DACH2: variants seen among roughly 807,000 people sequenced by gnomAD.
DACH2 encodes dachshund family transcription factor 2.
DACH2 carries 17 observed loss-of-function variants against 35.8 expected under a neutral mutation model. The ratio of observed to expected loss-of-function variants is 0.48; its 90% CI spans 0.33 to 0.71. The LOEUF (loss-of-function observed/expected upper bound fraction) is 0.71. DACH2 is among the 30% of genes least tolerant of loss of function. DACH2 has a pLI of 0.02. For missense variants in DACH2, 469 were observed against 472.7 expected (o/e 0.99, Z 0.07); for synonymous variants, 195 against 177.3 (o/e 1.10, Z -0.79).
intron 1 of DACH2, among the ~76,000 whole-genome samples, chrX:86,299,008 T>G (rs2034521942): frequency 8.9e-6 from 1 of 112,204 alleles, no homozygotes; most frequent in East Asian, 2.8e-4. Flanking sequence ...GTATTGTCTT[T>G]GTTCAGTCCA....
intron 6 of DACH2, among the ~76,000 whole-genome samples, chrX:86,737,428 G>A (rs914652731): frequency 1.8e-5 from 2 of 111,751 alleles, no homozygotes; most frequent in African/African-American, 6.5e-5. Flanking sequence ...TATTTAATTA[G>A]CATATATTGT....
At chrX:86,464,407 A>G (rs915363069) in intron 2 of DACH2, among the ~76,000 whole-genome samples, 12 of 111,438 alleles carry the variant, frequency 1.1e-4, no homozygotes, top group Non-Finnish European at 2.3e-4. Context: ...TTCTCAGCAA[A>G]CTAACACAGG....
chrX:86,523,803 T>A (rs1482634717), intron 3 of DACH2, among the ~76,000 whole-genome samples: 1 of 111,178 alleles, frequency 9.0e-6, no homozygotes, highest in Non-Finnish European at 1.9e-5. Flanking sequence ...ATAGTGATGT[T>A]ATCTACAGGA....
intron 3 of DACH2, among the ~76,000 whole-genome samples, chrX:86,627,762 A>G (rs1309292946): frequency 8.9e-6 from 1 of 112,404 alleles, no homozygotes; most frequent in Non-Finnish European, 1.9e-5. Context: ...GTTTTCACAT[A>G]ATTGTGTTCA....
intron 1 of DACH2, among the ~76,000 whole-genome samples, chrX:86,329,742 CATGTT>C (rs978419450): frequency 9.0e-6 from 1 of 111,255 alleles, no homozygotes; most frequent in Admixed American, 9.6e-5. Context: ...TATTTTAGAT[CATGTT>C]ATGGGACTTT....
chrX:86,188,269 A>G (rs1189064150), intron 1 of DACH2, among the ~76,000 whole-genome samples: 1 of 111,962 alleles, frequency 8.9e-6, no homozygotes, highest in Non-Finnish European at 1.9e-5. Flanking sequence ...AAGGGAAGAT[A>G]GAGACGATAG....
chrX:86,444,347 C>T (rs1454212258), intron 2 of DACH2, among the ~76,000 whole-genome samples: 1 of 111,690 alleles, frequency 9.0e-6, no homozygotes, highest in Admixed American at 9.6e-5. Context: ...GCCTTGGCCT[C>T]CCAATAGTCT....
At chrX:86,554,870 T>A (rs1044034207) in intron 3 of DACH2, among the ~76,000 whole-genome samples, 5 of 112,103 alleles carry the variant, frequency 4.5e-5, no homozygotes, top group Non-Finnish European at 7.5e-5. Flanking sequence ...GTATATTTTT[T>A]AAAAATATTG....
At chrX:86,287,150 A>G (rs2034169061) in intron 1 of DACH2, among the ~76,000 whole-genome samples, 1 of 97,567 alleles carries the variant, frequency 1.0e-5, no homozygotes, top group South Asian at 5.7e-4. Flanking sequence ...TTTTTGCCAG[A>G]TATGCTATTC....
chrX:86,766,307 A>G (rs2041934258), intron 7 of DACH2, among the ~76,000 whole-genome samples: 1 of 111,926 alleles, frequency 8.9e-6, no homozygotes, highest in Non-Finnish European at 1.9e-5. Flanking sequence ...TCAAATTATT[A>G]AAATAGTAGT....
At chrX:86,669,362 C>T (rs1178601997) in intron 4 of DACH2, among the ~76,000 whole-genome samples, 2 of 110,678 alleles carry the variant, frequency 1.8e-5, no homozygotes, top group East Asian at 5.6e-4. Context: ...CGTTTGCTTT[C>T]CAATTCTTGT....
At chrX:86,765,698 G>GTTT (rs60709865) in intron 7 of DACH2, among the ~76,000 whole-genome samples, 30 of 24,601 alleles carry the variant, frequency 1.2e-3, no homozygotes, top group African/African-American at 3.8e-3. Context: ...TTGTTTTTTG[G>GTTT]TTTTTTTTTT....
At chrX:86,308,617 G>A (rs2034736589) in intron 1 of DACH2, among the ~76,000 whole-genome samples, 1 of 111,871 alleles carries the variant, frequency 8.9e-6, no homozygotes, top group Non-Finnish European at 1.9e-5. Flanking sequence ...CTTGAATGAA[G>A]GGGAGGCCGG....
intron 3 of DACH2, among the ~76,000 whole-genome samples, chrX:86,593,296 C>A (rs62593328): frequency 0.052 from 5,659 of 109,581 alleles, 123 homozygotes; most frequent in Middle Eastern, 0.099. Flanking sequence ...ATTCTTTATT[C>A]TCTTGATATA....
chrX:86,748,694 G>A (rs2041739799), intron 7 of DACH2, among the ~76,000 whole-genome samples: 1 of 111,476 alleles, frequency 9.0e-6, no homozygotes, highest in African/African-American at 3.3e-5. Flanking sequence ...TTTTGTAATG[G>A]AAAATGTGCA....
intron 6 of DACH2, among the ~76,000 whole-genome samples, chrX:86,731,205 C>A (rs2041529377): frequency 9.0e-6 from 1 of 111,528 alleles, no homozygotes; most frequent in African/African-American, 3.3e-5. Flanking sequence ...TCCCCAAAAA[C>A]CAAACAAATC....
At chrX:86,813,781 T>C (rs1178596533) in intron 9 of DACH2, among the ~76,000 whole-genome samples, 4 of 111,000 alleles carry the variant, frequency 3.6e-5, no homozygotes, top group African/African-American at 1.3e-4. Flanking sequence ...CAGGCTTTGT[T>C]CAGGCTTTGA....
chrX:86,586,988 A>T (rs935556151), intron 3 of DACH2, among the ~76,000 whole-genome samples: 1 of 111,739 alleles, frequency 8.9e-6, no homozygotes, highest in African/African-American at 3.2e-5. Flanking sequence ...GTAACACTGA[A>T]TCTGTACATT....
At chrX:86,285,130 G>A (rs1262333620) in intron 1 of DACH2, among the ~76,000 whole-genome samples, 1 of 111,107 alleles carries the variant, frequency 9.0e-6, no homozygotes, top group Non-Finnish European at 1.9e-5. Context: ...AAAAATATCA[G>A]CCTTTTGTTT....
Sources: gnomAD v4.1 joint callset for allele counts (sites outside exome capture counted in the v4.1 genomes callset) on GRCh38, gnomAD v4.1.1 for gene constraint, MANE v1.5 for transcripts, NCBI Gene and HGNC (gene_info 2026-07-23, HGNC 2026-07-21) for gene names.